Variants in KIRREL3 observed in about 807,000 individuals in gnomAD.
The protein encoded by KIRREL3 is kirre like nephrin family adhesion molecule 3.
Under a neutral mutation model 89.7 loss-of-function variants are expected in KIRREL3, and 36 were observed. That is an observed-to-expected ratio of 0.40 (90% CI 0.31 to 0.53). KIRREL3 has a LOEUF of 0.53. Among genes scored for constraint, KIRREL3 ranks in the 20% least tolerant of loss-of-function variants. The pLI, the probability that KIRREL3 is intolerant of heterozygous loss-of-function variation, is 0.49. For synonymous variants in KIRREL3, 445 were observed against 441.4 expected (o/e 1.01, Z -0.10); for missense variants, 864 against 1,056.6 (o/e 0.82, Z 2.53).
rs756193928 is a variant in KIRREL3 at position 126,662,906 on chromosome 11, C to CTTTTT, written c.56-99999_56-99995dup. 8.8e-3 allele frequency among the ~76,000 whole-genome samples: 807 copies of CTTTTT among 91,654 alleles called. 16 individuals carry two copies. The highest frequency in any genetic ancestry group is 0.013 in the Non-Finnish European group (613 of 47,460). 60.1% of individuals were successfully genotyped at this position (91,654 alleles called of 152,430 possible). On this transcript the variant is annotated intron_variant, in intron 1 of 16. Transcript: ENST00000525144. ...GATTTTACTTTTTCCAAAGTCCTTT[C>CTTTTT]TTTTTTTTTTTTTTTTTTTTTGCTC... is the stretch of plus-strand genomic sequence containing the variant.
intron 1 of KIRREL3, among the ~76,000 whole-genome samples, chr11:126,851,817 G>A (rs4937210): frequency 0.85 from 129,113 of 152,154 alleles, 54,984 homozygotes; most frequent in East Asian, 1. Flanking sequence ...TCATTTCTCT[G>A]AGCTCCCTGG....
chr11:126,785,964 C>T (rs1430525402), intron 1 of KIRREL3, among the ~76,000 whole-genome samples: 2 of 147,274 alleles, frequency 1.4e-5, no homozygotes, highest in African/African-American at 5.0e-5. Context: ...TGTGTACCAG[C>T]AGTCAAAAAA....
chr11:126,783,639 A>G lies in KIRREL3; in HGVS notation c.55+216816T>C, dbSNP rs1950395054. ...TCCAAAGCAAGTCCATACTGATGTA[A>G]ATAGATGACTGAAGGAATAAATACA... On this transcript the variant is annotated intron_variant, in intron 1 of 16. Transcript: ENST00000525144. This position sits in a 1 kb window ranked among gnomAD's most constrained non-coding sequence, Gnocchi z 4.3. 6.6e-6 allele frequency among the ~76,000 whole-genome samples: 1 copy of G among 152,254 alleles called. No individual in the cohort carries two copies. Among genetic ancestry groups the G allele is most frequent in the African/African-American group, 2.4e-5 (1 of 41,474 alleles).
intron 1 of KIRREL3, among the ~76,000 whole-genome samples, chr11:126,947,770 G>A (rs899953736): frequency 3.3e-5 from 5 of 152,192 alleles, no homozygotes; most frequent in South Asian, 2.1e-4. Context: ...AAATGTTAAC[G>A]TCATAATGCA....
chr11:126,787,366 T>A (rs576329161), intron 1 of KIRREL3, among the ~76,000 whole-genome samples: 1 of 152,340 alleles, frequency 6.6e-6, no homozygotes, highest in African/African-American at 2.4e-5. Flanking sequence ...TATTTATTAT[T>A]CACATAATTT....
rs1949653622 is a variant in KIRREL3 at position 126,761,081 on chromosome 11, T to C, written c.56-198169A>G. Among the ~76,000 whole-genome samples, 3 of 152,282 alleles carry C rather than the reference T, an allele frequency of 2.0e-5. No individual in the cohort carries two copies. The highest frequency in any genetic ancestry group is 3.9e-4 in the East Asian group (2 of 5,184). The stretch of plus-strand genomic sequence containing the variant: ...TTACTGCTGGACCATGGAGGATATA[T>C]GGAATGGGTGTGGAGGTGGCTCACT... On this transcript the variant is annotated intron_variant, in intron 1 of 16. Transcript: ENST00000525144. The surrounding 1 kb of genome is among the most constrained non-coding windows in gnomAD (Gnocchi z 4.4).
rs1955063482 is a variant in KIRREL3 at position 126,429,822 on chromosome 11, T to C, written c.1697-534A>G. On this transcript the variant is annotated intron_variant, in intron 14 of 16. Transcript: ENST00000525144. The surrounding 1 kb of genome is among the most constrained non-coding windows in gnomAD (Gnocchi z 5.2). ...TGCTACTTCTGCAGGAGGCAGGCTG[T>C]TTCTAGTTGGAGAGCTCTGTTAGAA... is the stretch of plus-strand genomic sequence containing the variant. Among the ~76,000 whole-genome samples, 1 of 152,230 alleles carries C rather than the reference T, an allele frequency of 6.6e-6. No individual in the cohort carries two copies. The highest frequency in any genetic ancestry group is 2.4e-5 in the African/African-American group (1 of 41,464).
In KIRREL3 at chr11:126,677,873, T is replaced by A. The variant is rs1385405784; in HGVS notation, c.56-114961A>T. Reference sequence around the variant, plus strand: ...CCTCAGATACCTGGTGCCCTGGGAATGTTCCCAACCAGATGATTATGGCTG... The same window carrying A: ...CCTCAGATACCTGGTGCCCTGGGAAAGTTCCCAACCAGATGATTATGGCTG... On this transcript the variant is annotated intron_variant, in intron 1 of 16. Transcript: ENST00000525144. The surrounding 1 kb of genome is among the most constrained non-coding windows in gnomAD (Gnocchi z 5.1). Among the ~76,000 whole-genome samples the A allele has an allele frequency of 6.6e-6, 1 of 152,120 alleles. No homozygotes were observed. Among genetic ancestry groups the A allele is most frequent in the Non-Finnish European group, 1.5e-5 (1 of 68,012 alleles).
In KIRREL3 at chr11:126,905,767, C is replaced by G. The variant is rs1321771071; in HGVS notation, c.55+94688G>C. On this transcript the variant is annotated intron_variant, in intron 1 of 16. Coordinates refer to ENST00000525144, the MANE Select transcript of KIRREL3 (RefSeq NM_032531.4). The surrounding 1 kb of genome is among the most constrained non-coding windows in gnomAD (Gnocchi z 5.0). Reference sequence around the variant, plus strand: ...ACAGCCTGACAACACAGAGCCCTATCTGCCGCTGCCAGTTCGGGCGGATGC... The same window carrying G: ...ACAGCCTGACAACACAGAGCCCTATGTGCCGCTGCCAGTTCGGGCGGATGC... Among the ~76,000 whole-genome samples the G allele has an allele frequency of 6.6e-6, 1 of 152,192 alleles. No homozygotes were observed. Among genetic ancestry groups the G allele is most frequent in the African/African-American group, 2.4e-5 (1 of 41,444 alleles).
In KIRREL3 at chr11:126,825,094, T is replaced by C. The variant is rs1010330042; in HGVS notation, c.55+175361A>G. On this transcript the variant is annotated intron_variant, in intron 1 of 16. Coordinates refer to ENST00000525144, the MANE Select transcript of KIRREL3 (RefSeq NM_032531.4). ...GGTCCTGAGATTTATTTTCCTTTCA[T>C]AGTGATTTCCAATGATAAATATGGG... Among the ~76,000 whole-genome samples, 11 of 152,344 alleles carry C rather than the reference T, an allele frequency of 7.2e-5. No homozygotes were observed. The East Asian group carries it at 1.9e-3, about 27-fold the overall frequency.
chr11:126,929,342 G>A (rs370491607), intron 1 of KIRREL3, among the ~76,000 whole-genome samples: 1 of 152,258 alleles, frequency 6.6e-6, no homozygotes, highest in East Asian at 1.9e-4. Flanking sequence ...AGTCAAGACA[G>A]GGAAGGTACA....
chr11:126,531,557 C>A lies in KIRREL3; in HGVS notation c.134-4870G>T, dbSNP rs1344821426. Among the ~76,000 whole-genome samples the A allele has an allele frequency of 1.3e-5, 2 of 151,734 alleles. No individual in the cohort carries two copies. The highest frequency in any genetic ancestry group is 2.9e-5 in the Non-Finnish European group (2 of 67,946). On this transcript the variant is annotated intron_variant, in intron 2 of 16. Coordinates refer to ENST00000525144, the MANE Select transcript of KIRREL3 (RefSeq NM_032531.4). This position sits in a 1 kb window ranked among gnomAD's most constrained non-coding sequence, Gnocchi z 4.7. Reference sequence around the variant, plus strand: ...TGTCCTGGGATGCACTGCATCCCCCCACCCAAGGCTCCCCCACCCAAGGCC... The same window carrying A: ...TGTCCTGGGATGCACTGCATCCCCCAACCCAAGGCTCCCCCACCCAAGGCC...
chr11:126,630,076 A>G (rs1943954410), intron 1 of KIRREL3, among the ~76,000 whole-genome samples: 1 of 152,152 alleles, frequency 6.6e-6, no homozygotes, highest in Non-Finnish European at 1.5e-5. Flanking sequence ...TATTCCTGGG[A>G]TCCTAGCTCT....
chr11:126,714,412 A>G (rs1947878786), intron 1 of KIRREL3, among the ~76,000 whole-genome samples: 1 of 152,206 alleles, frequency 6.6e-6, no homozygotes, highest in Non-Finnish European at 1.5e-5. Flanking sequence ...TCAACTAGAC[A>G]TGCAGAAGAA....
chr11:126,506,814 T>A (rs1166049946), intron 4 of KIRREL3, among the ~76,000 whole-genome samples: 1 of 151,910 alleles, frequency 6.6e-6, no homozygotes, highest in Non-Finnish European at 1.5e-5. Context: ...TAGTAGAGAT[T>A]GGATTTTGCC....
At chr11:126,762,309 A>C (rs1181341040) in intron 1 of KIRREL3, among the ~76,000 whole-genome samples, 2 of 152,226 alleles carry the variant, frequency 1.3e-5, no homozygotes, top group African/African-American at 4.8e-5. Context: ...AATTGACTAC[A>C]AAACCAGGTC....
rs902503253 is a variant in KIRREL3 at position 126,642,973 on chromosome 11, C to T, written c.56-80061G>A. 5.0e-5 allele frequency among the ~76,000 whole-genome samples: 7 copies of T among 140,586 alleles called. No individual in the cohort carries two copies. In the East Asian group the frequency reaches 8.1e-4, roughly 16 times the overall value. 92.2% of individuals were successfully genotyped at this position (140,586 alleles called of 152,430 possible). On this transcript the variant is annotated intron_variant, in intron 1 of 16. Coordinates refer to ENST00000525144, the MANE Select transcript of KIRREL3 (RefSeq NM_032531.4). This position sits in a 1 kb window ranked among gnomAD's most constrained non-coding sequence, Gnocchi z 4.9. ...GGGTAAAAAAAAGGTACTTTGGCCT[C>T]CCTTCTTCCCTCCCATCCATCCATC...
chr11:126,836,872 T>G (rs1377856867), intron 1 of KIRREL3, among the ~76,000 whole-genome samples: 1 of 152,230 alleles, frequency 6.6e-6, no homozygotes, highest in East Asian at 1.9e-4. Context: ...TGCCTGACTC[T>G]GCTGTAGCTC....
At chr11:126,942,295 C>T (rs1336725658) in intron 1 of KIRREL3, among the ~76,000 whole-genome samples, 1 of 152,126 alleles carries the variant, frequency 6.6e-6, no homozygotes. Flanking sequence ...TAGCATCACG[C>T]CTGGCACACG....
Sources: gnomAD v4.1 joint callset for allele counts (sites outside exome capture counted in the v4.1 genomes callset) on GRCh38, gnomAD v4.1.1 for gene constraint, Gnocchi (gnomAD v3.1) non-coding constraint, MANE v1.5 for transcripts, NCBI Gene and HGNC (gene_info 2026-07-23, HGNC 2026-07-21) for gene names.